The following DIP2C variants were observed in gnomAD, a reference collection of about 807,000 sequenced individuals.
DIP2C encodes DIP2 acetate--CoA ligase C (putative).
A neutral mutation model predicts 192.4 loss-of-function variants in DIP2C; 33 were observed. That is an observed-to-expected ratio of 0.17 (90% confidence interval 0.13 to 0.23). The LOEUF is 0.23. Among genes scored for constraint, DIP2C ranks in the 10% least tolerant of loss-of-function variants. The pLI, the probability that DIP2C is intolerant of heterozygous loss-of-function variation, is 1.00. For synonymous variants in DIP2C, 979 were observed against 864.1 expected (o/e 1.13, Z -2.33); for missense variants, 1,537 against 2,110.1 (o/e 0.73, Z 5.32).
intron 32 of DIP2C, among the ~76,000 whole-genome samples, chr10:291,977 G>A (rs1236533081): frequency 7.9e-5 from 12 of 152,312 alleles, no homozygotes; most frequent in South Asian, 4.1e-4. Context: ...CCTCTCCTGC[G>A]GGAAGTGTGA....
At chr10:448,328 T>C (rs1968487758) in intron 3 of DIP2C, among the ~76,000 whole-genome samples, 1 of 129,054 alleles carries the variant, frequency 7.7e-6, no homozygotes, top group African/African-American at 3.2e-5. Flanking sequence ...CCATTGATAT[T>C]CAGGATCACA....
chr10:335,129 A>G (rs1957699506), intron 29 of DIP2C, among the ~76,000 whole-genome samples: 1 of 152,224 alleles, frequency 6.6e-6, no homozygotes, highest in Non-Finnish European at 1.5e-5. Context: ...ATATTTTGAA[A>G]CAATACCATT....
intron 1 of DIP2C, among the ~76,000 whole-genome samples, chr10:674,474 G>T (rs932703031): frequency 3.3e-5 from 5 of 152,016 alleles, no homozygotes; most frequent in African/African-American, 1.2e-4. Context: ...AATATTAGTA[G>T]ATCTAAATAG....
chr10:508,428 T>C (rs1176161429), intron 1 of DIP2C, among the ~76,000 whole-genome samples: 1 of 151,800 alleles, frequency 6.6e-6, no homozygotes, highest in Non-Finnish European at 1.5e-5. Context: ...CAAAAGGGGG[T>C]TAATTCTAAC....
At chr10:285,153 C>CAAAA (rs34031685) in intron 34 of DIP2C, among the ~76,000 whole-genome samples, 4 of 124,558 alleles carry the variant, frequency 3.2e-5, no homozygotes, top group African/African-American at 6.2e-5. Flanking sequence ...AGTGAGGGGC[C>CAAAA]AAAAAAAAAA....
chr10:579,632 T>C (rs559281464), intron 1 of DIP2C, among the ~76,000 whole-genome samples: 8 of 152,156 alleles, frequency 5.3e-5, no homozygotes, highest in African/African-American at 1.7e-4. Context: ...CACTGTAACA[T>C]GTACATGCAT....
intron 2 of DIP2C, among the ~76,000 whole-genome samples, chr10:474,711 T>C (rs1970924307): frequency 1.3e-5 from 2 of 152,246 alleles, no homozygotes; most frequent in Non-Finnish European, 2.9e-5. Flanking sequence ...AGTGCTTCTC[T>C]TTCTACCCCA....
At chr10:340,139 G>C (rs1313930866) in intron 29 of DIP2C, among the ~76,000 whole-genome samples, 1 of 151,172 alleles carries the variant, frequency 6.6e-6, no homozygotes, top group Non-Finnish European at 1.5e-5. Flanking sequence ...TGAGATTGTG[G>C]CACTGCACTT....
intron 1 of DIP2C, among the ~76,000 whole-genome samples, chr10:570,231 C>A (rs1423452834): frequency 6.6e-6 from 1 of 152,316 alleles, no homozygotes; most frequent in Admixed American, 6.5e-5. Context: ...GGAAGGAAGA[C>A]ACTATGTAGA....
At chr10:568,782 A>C (rs1217314709) in intron 1 of DIP2C, among the ~76,000 whole-genome samples, 8 of 146,644 alleles carry the variant, frequency 5.5e-5, no homozygotes, top group African/African-American at 1.0e-4. Flanking sequence ...AAAAAAAAAA[A>C]AAAAAAAAAA....
In DIP2C at chr10:307,217, G is replaced by A. The variant is rs1360296173; in HGVS notation, c.3986+2814C>T. Among the ~76,000 whole-genome samples the A allele has an allele frequency of 3.3e-5, 5 of 152,166 alleles. No homozygotes were observed. In the South Asian group the frequency reaches 8.3e-4, roughly 25 times the overall value. On this transcript the variant is annotated intron_variant, in intron 32 of 36. Transcript: ENST00000280886. Reference sequence around the variant, plus strand: ...TTTTCTTTATAAATCACCAGCCTCAGGTGTTCCTTTACAGAAATGGAAACA... The same window carrying A: ...TTTTCTTTATAAATCACCAGCCTCAAGTGTTCCTTTACAGAAATGGAAACA...
intron 1 of DIP2C, among the ~76,000 whole-genome samples, chr10:568,728 T>C (rs948929958): frequency 9.2e-5 from 11 of 119,962 alleles, no homozygotes; most frequent in African/African-American, 3.4e-4. Context: ...ATCGCGCCAC[T>C]GCGCTCCAGC....
At chr10:552,204 T>C (rs1377533081) in intron 1 of DIP2C, among the ~76,000 whole-genome samples, 5 of 152,362 alleles carry the variant, frequency 3.3e-5, no homozygotes, top group African/African-American at 1.2e-4. Context: ...CCATACTTTC[T>C]ACCTGATGTT....
chr10:560,560 G>A (rs12572372), intron 1 of DIP2C, among the ~76,000 whole-genome samples: 1,829 of 152,266 alleles, frequency 0.012, 12 homozygotes, highest in East Asian at 0.037. Context: ...TCTCAGGCTG[G>A]TTTCAAAGTA....
At chr10:570,037 T>C (rs1157955456) in intron 1 of DIP2C, among the ~76,000 whole-genome samples, 1 of 152,130 alleles carries the variant, frequency 6.6e-6, no homozygotes, top group African/African-American at 2.4e-5. Flanking sequence ...CAGCCAACCT[T>C]GCACTCCACA....
At chr10:688,273 C>T (rs1831404573) in intron 1 of DIP2C, among the ~76,000 whole-genome samples, 1 of 152,136 alleles carries the variant, frequency 6.6e-6, no homozygotes, top group Non-Finnish European at 1.5e-5. Flanking sequence ...CGTTACAGGA[C>T]ACTGACACAC....
chr10:521,371 T>C (rs1473000870), intron 1 of DIP2C, among the ~76,000 whole-genome samples: 1 of 152,172 alleles, frequency 6.6e-6, no homozygotes, highest in Admixed American at 6.5e-5. Flanking sequence ...TCCCCAAGTC[T>C]AAGAGAAGGC....
At chr10:460,542 G>A (rs2133377344) in intron 3 of DIP2C, among the ~76,000 whole-genome samples, 2 of 152,272 alleles carry the variant, frequency 1.3e-5, no homozygotes, top group South Asian at 4.1e-4. Context: ...TTATTAACTA[G>A]GTCAATTATG....
chr10:548,794 T>A (rs1441661443), intron 1 of DIP2C, among the ~76,000 whole-genome samples: 1 of 151,560 alleles, frequency 6.6e-6, no homozygotes, highest in Non-Finnish European at 1.5e-5. Context: ...AGATGTTACA[T>A]CTAACTTTAA....
Sources: allele counts gnomAD v4.1 joint callset (sites outside exome capture counted in the v4.1 genomes callset), GRCh38; gene constraint gnomAD v4.1.1; transcripts MANE v1.5; gene names NCBI Gene and HGNC (gene_info 2026-07-23, HGNC 2026-07-21).